The following LARP4 variants were observed in gnomAD, a reference collection of about 807,000 sequenced individuals.
LARP4 encodes La ribonucleoprotein 4, also known as la-related protein 4.
LARP4 carries 29 observed loss-of-function variants against 92.9 expected under a neutral mutation model. That is an observed-to-expected ratio of 0.31 (90% CI 0.23 to 0.43). The LOEUF (loss-of-function observed/expected upper bound fraction) is 0.43, where lower values mean the gene tolerates loss of function less well. Among genes scored for constraint, LARP4 ranks in the 20% least tolerant of loss-of-function variants. The pLI is 1.00. For missense variants in LARP4, 732 were observed against 860.0 expected (o/e 0.85, Z 1.86); for synonymous variants, 279 against 284.1 (o/e 0.98, Z 0.18).
At chr12:50,430,452 A>C (rs138162098) in intron 3 of LARP4, 43 bp from the exon 4 acceptor site, 1 of 1,081,378 alleles carries the variant, frequency 9.2e-7, no homozygotes, top group East Asian at 2.4e-5. Context: ...CACCTCTACT[A>C]ACATGCTATT....
rs1207085661 is a variant in LARP4 at position 50,461,128 on chromosome 12, C to T, written c.1122-7C>T. On this transcript the variant is annotated splice_region_variant and splice_polypyrimidine_tract_variant and intron_variant, in intron 10 of 15. Transcript: ENST00000398473. ...GCTTTGTGTATATCATTTTGTATTT[C>T]CTATAGTGTGAAGCCTCAGTTTAGG... 3 of 1,605,588 alleles carry T rather than the reference C, an allele frequency of 1.9e-6. No homozygotes were observed. The highest frequency in any genetic ancestry group is 2.7e-5 in the African/African-American group (2 of 74,700).
chr12:50,455,251 CAG>C (rs764170379), intron 10 of LARP4, among the ~76,000 whole-genome samples: 11 of 152,064 alleles, frequency 7.2e-5, no homozygotes, highest in Non-Finnish European at 1.0e-4. Context: ...GGGGTAGAGA[CAG>C]GGTCTGTTTA....
chr12:50,433,274 T>G (rs1243163349), intron 4 of LARP4, among the ~76,000 whole-genome samples: 1 of 150,812 alleles, frequency 6.6e-6, no homozygotes, highest in Non-Finnish European at 1.5e-5. Flanking sequence ...ACGTGATTTT[T>G]TTTTTTTTTT....
At chr12:50,464,901 G>A (rs1228051509) in intron 12 of LARP4, among the ~76,000 whole-genome samples, 1 of 151,712 alleles carries the variant, frequency 6.6e-6, no homozygotes, top group Non-Finnish European at 1.5e-5. Context: ...TGTTGGCCAG[G>A]CTGGTCTCAA....
In LARP4 at chr12:50,429,070, A is replaced by G. The variant is rs745357845; in HGVS notation, c.302A>G (p.Tyr101Cys). ...GMILGPEDLS[Y>C]QIYDVSGESN... ...ATTTTAGGACCAGAAGATCTGAGTT[A>G]CCAAATATATGATGTTTCCGGTAAA... Residue 101 changes from tyrosine (Y) to cysteine (C), a missense_variant, in exon 3 of 16, where the codon TAC becomes TGC. Tyr to Cys is a radical substitution (Grantham distance 194). Transcript: ENST00000398473. The G allele has an allele frequency of 1.2e-6, 2 of 1,612,308 alleles. No individual in the cohort carries two copies. The highest frequency in any genetic ancestry group is 2.2e-5 in the South Asian group (2 of 90,654).
At chr12:50,423,471 C>T (rs144784181) in intron 1 of LARP4, among the ~76,000 whole-genome samples, 10 of 152,176 alleles carry the variant, frequency 6.6e-5, no homozygotes, top group South Asian at 2.1e-4. Context: ...TTTTTTGAGA[C>T]GGAGTCTTGC....
chr12:50,426,465 G>A (rs1948715201), intron 1 of LARP4, among the ~76,000 whole-genome samples: 1 of 152,126 alleles, frequency 6.6e-6, no homozygotes, highest in South Asian at 2.1e-4. Context: ...TGGTGGGAGA[G>A]TACTGCTCTC....
intron 12 of LARP4, among the ~76,000 whole-genome samples, 153 bp downstream of exon 12, chr12:50,462,783 C>A (rs1422998661): frequency 6.6e-6 from 1 of 151,906 alleles, no homozygotes; most frequent in Non-Finnish European, 1.5e-5. Context: ...AAATTTTTAC[C>A]ACCACCACCC....
At chr12:50,462,052 A>G (rs1955474304) in intron 11 of LARP4, among the ~76,000 whole-genome samples, 1 of 152,206 alleles carries the variant, frequency 6.6e-6, no homozygotes, top group Admixed American at 6.6e-5. Context: ...CACTACTAAC[A>G]AATGGGCTCA....
At chr12:50,436,123 A>ATGTGTG (rs1224429640) in intron 5 of LARP4, among the ~76,000 whole-genome samples, 1 of 113,104 alleles carries the variant, frequency 8.8e-6, no homozygotes, top group Non-Finnish European at 1.8e-5. Context: ...TGTGTGTGAT[A>ATGTGTG]TGTGTGTGTG....
Position 50,435,640 on chromosome 12 carries a change from T to C in LARP4, c.535+16T>C. 1 of 1,532,378 alleles carries C rather than the reference T, an allele frequency of 6.5e-7. No individual in the cohort carries two copies. Among genetic ancestry groups the C allele is most frequent in the Non-Finnish European group, 8.8e-7 (1 of 1,131,090 alleles). The allele number at this position is 1,532,378 out of a possible 1,614,324, so 94.9% of individuals were successfully genotyped here. Reference sequence around the variant, plus strand: ...GTGTTAAGATGTATGTAAAAATACCTTTTAGCTTTTTTTTTAATTTTTAAA... The same window carrying C: ...GTGTTAAGATGTATGTAAAAATACCCTTTAGCTTTTTTTTTAATTTTTAAA... On this transcript the variant is annotated intron_variant, in intron 5 of 15. Coordinates refer to ENST00000398473, the MANE Select transcript of LARP4 (RefSeq NM_052879.5).
At chr12:50,422,801 A>G (rs990926522) in intron 1 of LARP4, among the ~76,000 whole-genome samples, 1 of 140,986 alleles carries the variant, frequency 7.1e-6, no homozygotes, top group Non-Finnish European at 1.5e-5. Context: ...TATTATTATT[A>G]TTATTATTAT....
At chr12:50,445,969 T>G (rs568293248) in intron 8 of LARP4, among the ~76,000 whole-genome samples, 33 of 151,854 alleles carry the variant, frequency 2.2e-4, no homozygotes, top group Non-Finnish European at 4.7e-4. Flanking sequence ...CCCTGAAATA[T>G]TTCTTTCATT....
In LARP4 at chr12:50,477,454, A is replaced by G. The variant is rs187959462; in HGVS notation, c.*1590A>G. ...GAAACTGTAAATTGTGAACACTGGAAAGCACCATTGTGACATAGAGTAAAC... is the reference window on the plus strand; with the variant it reads ...GAAACTGTAAATTGTGAACACTGGAGAGCACCATTGTGACATAGAGTAAAC... On this transcript the variant is annotated 3_prime_UTR_variant, in exon 16 of 16. Transcript: ENST00000398473. 6.5e-6 allele frequency: 1 copy of G among 152,676 alleles called. No homozygotes were observed. The highest frequency in any genetic ancestry group is 1.5e-5 in the Non-Finnish European group (1 of 67,976). The allele number at this position is 152,676 out of a possible 1,614,324, so 9.5% of individuals were successfully genotyped here. A position where few individuals can be genotyped will look rare whatever the true frequency, so the allele number is the denominator to read the frequency against.
At chr12:50,449,052 C>T (rs1414033352) in intron 8 of LARP4, among the ~76,000 whole-genome samples, 2 of 151,704 alleles carry the variant, frequency 1.3e-5, no homozygotes, top group East Asian at 3.9e-4. Context: ...CCAGCATGGC[C>T]AACATGGTGA....
rs1957275161 is a variant in LARP4, at chr12:50,474,125, A to G, written c.1794A>G (p.Pro598=). Residue 598 remains proline (P), a synonymous_variant, in exon 15 of 16, where the codon CCA becomes CCG. Transcript: ENST00000398473. ...CATCGAGGGCAAGTACTGCTTCACC[A>G]TGTAATAATAACATAAATGCAGCTA... ...TKPSRASTAS[P]CNNNINAATA... The G allele has an allele frequency of 1.9e-6, 3 of 1,613,424 alleles. No individual in the cohort carries two copies. In the African/African-American group the frequency reaches 4.0e-5, roughly 22 times the overall value.
intron 10 of LARP4, among the ~76,000 whole-genome samples, chr12:50,459,542 A>G (rs949964060): frequency 3.3e-5 from 5 of 151,614 alleles, no homozygotes; most frequent in African/African-American, 1.2e-4. Flanking sequence ...TTAAGAATGC[A>G]TAGCTGGGCC....
At chr12:50,459,821 TCAAAA>T (rs1414167846) in intron 10 of LARP4, among the ~76,000 whole-genome samples, 2 of 30,250 alleles carry the variant, frequency 6.6e-5, no homozygotes, top group African/African-American at 1.0e-4. Flanking sequence ...AGACTCCGTA[TCAAAA>T]AAAAAAAAAA....
chr12:50,423,459 T>C (rs1948191302), intron 1 of LARP4, among the ~76,000 whole-genome samples: 1 of 152,126 alleles, frequency 6.6e-6, no homozygotes, highest in Non-Finnish European at 1.5e-5. Flanking sequence ...TGCAGTGTTT[T>C]CTTTTTTGAG....
Sources: gnomAD v4.1 joint callset for allele counts (sites outside exome capture counted in the v4.1 genomes callset) on GRCh38, gnomAD v4.1.1 for gene constraint, MANE v1.5 for transcripts, NCBI Gene and HGNC (gene_info 2026-07-23, HGNC 2026-07-21) for gene names.